FAM117B: variants seen among roughly 807,000 people sequenced by gnomAD.
FAM117B encodes family with sequence similarity 117 member B.
A neutral mutation model predicts 52.8 loss-of-function variants in FAM117B; 22 were observed. That is an observed-to-expected ratio of 0.42 (90% CI 0.30 to 0.59). FAM117B has a LOEUF of 0.59. Ranked by LOEUF, FAM117B falls within the 20% of genes least tolerant of loss-of-function variation. The probability of loss-of-function intolerance (pLI) is 0.22; values close to 1 mark genes in which losing one functional copy is unlikely to be tolerated. For missense variants in FAM117B, 678 were observed against 802.6 expected (o/e 0.84, Z 1.88); for synonymous variants, 309 against 324.1 (o/e 0.95, Z 0.50).
chr2:202,709,943 GT>G (rs563109932), intron 2 of FAM117B, among the ~76,000 whole-genome samples: 3 of 152,292 alleles, frequency 2.0e-5, no homozygotes, highest in Non-Finnish European at 4.4e-5. Flanking sequence ...GAGTGTTAAT[GT>G]GTGGATTTAT....
At chr2:202,736,101 C>T (rs1691434267) in intron 4 of FAM117B, among the ~76,000 whole-genome samples, 1 of 152,116 alleles carries the variant, frequency 6.6e-6, no homozygotes, top group African/African-American at 2.4e-5. Flanking sequence ...AAGAAACTTA[C>T]TTTTCTCTGA....
At chr2:202,704,815 A>C (rs1352821859) in intron 2 of FAM117B, among the ~76,000 whole-genome samples, 2 of 151,854 alleles carry the variant, frequency 1.3e-5, no homozygotes, top group Middle Eastern at 3.2e-3. Context: ...TGGCCAGGCT[A>C]GTCTCGAACA....
At position 202,765,484 on chromosome 2, in the gene FAM117B, C is replaced by T; in HGVS notation, c.1490C>T (p.Pro497Leu). 1 of 1,613,334 alleles carries T rather than the reference C, an allele frequency of 6.2e-7. No homozygotes were observed. Among genetic ancestry groups the T allele is most frequent in the Admixed American group, 1.7e-5 (1 of 59,916 alleles). Residue 497 changes from proline to leucine, a missense_variant, in exon 8 of 8, where the codon CCT (proline) becomes CTT (leucine). Pro to Leu is a moderately conservative substitution (Grantham distance 98). Coordinates refer to ENST00000392238, the MANE Select transcript of FAM117B (RefSeq NM_173511.4). ...QLHEIPAFYC[P>L]DKNKVNFIPK... is the part of the protein sequence containing the mutation. ...CATGAAATCCCAGCCTTTTATTGTC[C>T]TGACAAAAACAAGGTGAATTTCATT...
rs796219780 is a variant in FAM117B at position 202,739,260 on chromosome 2, T to G, written c.960+12897T>G. On this transcript the variant is annotated intron_variant, in intron 4 of 7. Coordinates refer to ENST00000392238, the MANE Select transcript of FAM117B (RefSeq NM_173511.4). ...GTCCCTAACTTTGAATGTTAATATT[T>G]TGTTAACATTGTTGAGGTTGTCCAA... 2.0e-5 allele frequency among the ~76,000 whole-genome samples: 3 copies of G among 152,330 alleles called. No individual in the cohort carries two copies. In the East Asian group the frequency reaches 5.8e-4, roughly 29 times the overall value.
chr2:202,638,023 T>C (rs1055006380), intron 1 of FAM117B, among the ~76,000 whole-genome samples: 19 of 152,068 alleles, frequency 1.2e-4, no homozygotes, highest in Admixed American at 1.2e-3. Flanking sequence ...ATTACAGGCA[T>C]GCGCTACCAC....
At chr2:202,725,343 G>T (rs1691225053) in intron 3 of FAM117B, 2 of 167,512 alleles carry the variant, frequency 1.2e-5, no homozygotes, top group African/African-American at 2.4e-5. Context: ...GTGTGAGACG[G>T]AGTCTCGCTC....
intron 1 of FAM117B, among the ~76,000 whole-genome samples, chr2:202,679,992 A>T (rs1236585038): frequency 6.6e-6 from 1 of 152,210 alleles, no homozygotes; most frequent in Non-Finnish European, 1.5e-5. Flanking sequence ...GAATGTAATG[A>T]GAAAAATGAA....
At chr2:202,708,054 G>C (rs1286280591) in intron 2 of FAM117B, among the ~76,000 whole-genome samples, 1 of 152,104 alleles carries the variant, frequency 6.6e-6, no homozygotes, top group Non-Finnish European at 1.5e-5. Context: ...ACAGGCATAA[G>C]CCACCACGCC....
chr2:202,747,457 A>T (rs1691651578), intron 4 of FAM117B, among the ~76,000 whole-genome samples: 2 of 152,284 alleles, frequency 1.3e-5, no homozygotes, highest in Admixed American at 1.3e-4. Context: ...AAGGCATCCA[A>T]ACTGGAAGAC....
At chr2:202,653,864 T>C (rs529161818) in intron 1 of FAM117B, among the ~76,000 whole-genome samples, 112 of 152,286 alleles carry the variant, frequency 7.4e-4, no homozygotes, top group African/African-American at 2.6e-3. Flanking sequence ...AATGAAATGG[T>C]CTTCCAGGTT....
In FAM117B at chr2:202,755,723, A is replaced by C. The variant is rs144205791; in HGVS notation, c.1104+42A>C. 4.8e-5 allele frequency: 74 copies of C among 1,551,606 alleles called. No individual in the cohort carries two copies. The African/African-American group carries it at 9.4e-4, about 20-fold the overall frequency. ...CTTAAAATCATTCTTGAACTCTTAT[A>C]ATTATTAAAAATGCACAGTTTGGGT... On this transcript the variant is annotated intron_variant, in intron 5 of 7. Transcript: ENST00000392238.
intron 2 of FAM117B, among the ~76,000 whole-genome samples, chr2:202,710,849 A>G (rs1690946460): frequency 6.6e-6 from 1 of 152,026 alleles, no homozygotes; most frequent in African/African-American, 2.4e-5. Flanking sequence ...CACTTAACAT[A>G]ATGTCCTCCA....
intron 7 of FAM117B, among the ~76,000 whole-genome samples, chr2:202,761,465 T>C (rs1013807817): frequency 2.0e-5 from 3 of 152,190 alleles, no homozygotes; most frequent in Non-Finnish European, 2.9e-5. Context: ...TGTCTGTAGA[T>C]AGATCAAACA....
chr2:202,749,758 A>G (rs1257356816), intron 4 of FAM117B, among the ~76,000 whole-genome samples: 1 of 151,944 alleles, frequency 6.6e-6, no homozygotes, highest in African/African-American at 2.4e-5. Context: ...GTGAGACCCT[A>G]TCTCTAATTA....
In FAM117B at chr2:202,662,592, C is replaced by T. The variant is rs191151355; in HGVS notation, c.601+26804C>T. ...GTGCAGTGGCTCACGCCTGTAATCC[C>T]AGCACTTTGGGTGGCTGAGGCGGGT... On this transcript the variant is annotated intron_variant, in intron 1 of 7. Coordinates refer to ENST00000392238, the MANE Select transcript of FAM117B (RefSeq NM_173511.4). 2.7e-4 allele frequency among the ~76,000 whole-genome samples: 41 copies of T among 152,266 alleles called. No individual in the cohort carries two copies. The East Asian group carries it at 4.6e-3, about 17-fold the overall frequency.
intron 4 of FAM117B, among the ~76,000 whole-genome samples, chr2:202,740,359 CAAAAAAAAAA>C (rs769846441): frequency 0.021 from 1,356 of 65,574 alleles, 30 homozygotes; most frequent in African/African-American, 0.066. Flanking sequence ...GACTCTGCCT[CAAAAAAAAAA>C]AAAAAAAAAA....
At chr2:202,674,025 A>AC (rs56706386) in intron 1 of FAM117B, among the ~76,000 whole-genome samples, 313 of 148,372 alleles carry the variant, frequency 2.1e-3, no homozygotes, top group African/African-American at 3.9e-3. Context: ...TCCTCCCTGC[A>AC]CCCCCCCCAC....
chr2:202,717,401 A>G (rs924407320), intron 2 of FAM117B, among the ~76,000 whole-genome samples: 4 of 152,140 alleles, frequency 2.6e-5, no homozygotes, highest in African/African-American at 9.7e-5. Flanking sequence ...AAGCCCAGGA[A>G]GGTGAGGCTA....
rs532480854 is a variant in FAM117B, at chr2:202,724,907, T to C, written c.754-10T>C. The C allele has an allele frequency of 1.3e-4, 205 of 1,587,434 alleles. 3 individuals are homozygous for C. In the Middle Eastern group the frequency reaches 1.5e-3, roughly 12 times the overall value. ...TTGTTAAATACACCTCCCCTCTTTT[T>C]TCATTACAGACAGAGAGTGCATGGG... On this transcript the variant is annotated splice_polypyrimidine_tract_variant and intron_variant, in intron 2 of 7. Coordinates refer to ENST00000392238, the MANE Select transcript of FAM117B (RefSeq NM_173511.4).
Sources: allele counts gnomAD v4.1 joint callset (sites outside exome capture counted in the v4.1 genomes callset), GRCh38; gene constraint gnomAD v4.1.1; transcripts MANE v1.5; gene names NCBI Gene and HGNC (gene_info 2026-07-23, HGNC 2026-07-21).